Variants in HPF1 observed in about 807,000 individuals in gnomAD.
HPF1 encodes UPF0609 protein C4orf27.
In HPF1, 35 loss-of-function variants were observed where a neutral mutation model predicts 38.8. The observed-to-expected ratio is 0.90, with a 90% confidence interval of 0.69 to 1.19. The LOEUF is 1.19. HPF1 is among the 50% of genes most tolerant of loss of function. The pLI, the probability that HPF1 is intolerant of heterozygous loss-of-function variation, is 0.00. For missense variants in HPF1, 367 were observed against 405.8 expected (o/e 0.90, Z 0.82); for synonymous variants, 115 against 139.2 (o/e 0.83, Z 1.22).
At chr4:169,732,547 C>A (rs1415505466) in intron 6 of HPF1, among the ~76,000 whole-genome samples, 1 of 152,182 alleles carries the variant, frequency 6.6e-6, no homozygotes, top group Non-Finnish European at 1.5e-5. Context: ...TTGGGCAAAC[C>A]TGGCTCACCC....
In HPF1 at chr4:169,753,741, G is replaced by A. The variant is rs574383841; in HGVS notation, c.143C>T (p.Ser48Phe). 3.5e-5 allele frequency: 56 copies of A among 1,613,314 alleles called. 1 individual carries two copies. The highest frequency in any genetic ancestry group is 3.1e-4 in the African/African-American group (23 of 75,028). Reference sequence around the variant, plus strand: ...GAAGTGATAGAAATCTTCAGGTAAAGAAAGCTTATAATGATTTTCTACTTC... The same window carrying A: ...GAAGTGATAGAAATCTTCAGGTAAAAAAAGCTTATAATGATTTTCTACTTC... ...RKEVENHYKL[S>F]LPEDFYHFWK... The change falls in exon 2 of 8, where the codon TCT (serine) becomes TTT (phenylalanine). Residue 48 changes from serine (S) to phenylalanine (F), a missense_variant. Transcript: ENST00000393381.
chr4:169,749,720 C>CAAAAAAA (rs11413826), intron 3 of HPF1, among the ~76,000 whole-genome samples: 12 of 127,306 alleles, frequency 9.4e-5, no homozygotes, highest in African/African-American at 2.7e-4. Context: ...TACTCAAATA[C>CAAAAAAA]AAAAAAAAAA....
At chr4:169,745,006 A>C (rs1734028431) in intron 4 of HPF1, among the ~76,000 whole-genome samples, 1 of 152,246 alleles carries the variant, frequency 6.6e-6, no homozygotes, top group South Asian at 2.1e-4. Flanking sequence ...AGATAACCTG[A>C]AAGACCACCA....
At chr4:169,749,168 C>T (rs1192029803) in intron 3 of HPF1, among the ~76,000 whole-genome samples, 2 of 152,062 alleles carry the variant, frequency 1.3e-5, no homozygotes, top group Non-Finnish European at 2.9e-5. Context: ...ATAAAATCTG[C>T]ACATTTACAT....
chr4:169,744,445 G>A (rs892056847), intron 4 of HPF1, among the ~76,000 whole-genome samples: 11 of 152,274 alleles, frequency 7.2e-5, no homozygotes, highest in Non-Finnish European at 1.0e-4. Flanking sequence ...GATAAGGTGC[G>A]ATGTGCAACT....
At chr4:169,754,498 C>T (rs1734160148) in intron 1 of HPF1, among the ~76,000 whole-genome samples, 1 of 152,042 alleles carries the variant, frequency 6.6e-6, no homozygotes, top group Non-Finnish European at 1.5e-5. Flanking sequence ...CTAGGACCAC[C>T]ACAATACAGG....
In HPF1 at chr4:169,748,832, C is replaced by T. The variant is rs1308176300; in HGVS notation, c.409G>A (p.Asp137Asn). 4 of 1,465,536 alleles carry T rather than the reference C, an allele frequency of 2.7e-6. No individual in the cohort carries two copies. The highest frequency in any genetic ancestry group is 2.8e-6 in the Non-Finnish European group (3 of 1,078,592). The allele number at this position is 1,465,536 out of a possible 1,614,324, so 90.8% of individuals were successfully genotyped here. Residue 137 changes from aspartate (D) to asparagine (N), a missense_variant, in exon 4 of 8, where the codon GAT becomes AAT. By Grantham distance (23) the Asp-to-Asn change is conservative. Coordinates refer to ENST00000393381, the MANE Select transcript of HPF1 (RefSeq NM_017867.3). ...YHMGYFRDSP[D>N]EFPVYVGINE... is the part of the protein sequence containing the mutation. Reference sequence around the variant, plus strand: ...ATACCAACATATACAGGAAATTCATCAGGAGAATCCCTGTGTAAGCAAAAG... The same window carrying T: ...ATACCAACATATACAGGAAATTCATTAGGAGAATCCCTGTGTAAGCAAAAG...
At chr4:169,746,796 A>G (rs987477754) in intron 4 of HPF1, among the ~76,000 whole-genome samples, 9 of 152,052 alleles carry the variant, frequency 5.9e-5, no homozygotes, top group Admixed American at 5.9e-4. Flanking sequence ...GTAATTTTTT[A>G]CCCCTGTTTG....
chr4:169,754,633 T>C (rs553899557), intron 1 of HPF1, among the ~76,000 whole-genome samples: 4 of 152,328 alleles, frequency 2.6e-5, no homozygotes, highest in South Asian at 2.1e-4. Context: ...TGTTTTTCTA[T>C]GAACCTAGAT....
chr4:169,731,623 C>T (rs1733829772), intron 7 of HPF1, 81 bp downstream of exon 7: 6 of 1,057,344 alleles, frequency 5.7e-6, no homozygotes, highest in East Asian at 5.6e-5. Flanking sequence ...TAAATGTGCA[C>T]GTATTCATGT....
intron 5 of HPF1, among the ~76,000 whole-genome samples, chr4:169,740,230 T>C (rs1484465504): frequency 6.6e-6 from 1 of 152,214 alleles, no homozygotes; most frequent in African/African-American, 2.4e-5. Flanking sequence ...ATGCTAAATA[T>C]GGAAAATATG....
At position 169,729,506 on chromosome 4, in the gene HPF1, AAAAAC is replaced by A; in HGVS notation, c.*67_*71del. On this transcript the variant is annotated 3_prime_UTR_variant, in exon 8 of 8. Coordinates refer to ENST00000393381, the MANE Select transcript of HPF1 (RefSeq NM_017867.3). The stretch of plus-strand genomic sequence containing the variant: ...TAAATGTTTATTTTTTGTATTCCTT[AAAAAC>A]AAAACAAAAATCACAAGTTTAATAC... The A allele has an allele frequency of 1.6e-6, 2 of 1,234,136 alleles. No homozygotes were observed. Among genetic ancestry groups the A allele is most frequent in the Non-Finnish European group, 2.1e-6 (2 of 944,800 alleles). 76.4% of individuals were successfully genotyped at this position (1,234,136 alleles called of 1,614,324 possible).
In HPF1 at chr4:169,748,816, T is replaced by C; in HGVS notation, c.425A>G (p.Tyr142Cys). 6.6e-7 allele frequency: 1 copy of C among 1,511,822 alleles called. No individual in the cohort carries two copies. Among genetic ancestry groups the C allele is most frequent in the Non-Finnish European group, 9.0e-7 (1 of 1,116,134 alleles). 93.7% of individuals were successfully genotyped at this position (1,511,822 alleles called of 1,614,324 possible). A position where few individuals can be genotyped will look rare whatever the true frequency, so the allele number is the denominator to read the frequency against. The change falls in exon 4 of 8, where the codon TAT becomes TGT. Residue 142 changes from tyrosine to cysteine, a missense_variant. By Grantham distance (194) the Tyr-to-Cys change is radical. Transcript: ENST00000393381. Reference protein sequence around the residue: ...FRDSPDEFPVYVGINEAKKNC... With the variant: ...FRDSPDEFPVCVGINEAKKNC... ...TTTCTTTGCTTCATTTATACCAACATATACAGGAAATTCATCAGGAGAATC... is the reference window on the plus strand; with the variant it reads ...TTTCTTTGCTTCATTTATACCAACACATACAGGAAATTCATCAGGAGAATC...
At chr4:169,742,672 G>A (rs1434408851) in intron 4 of HPF1, among the ~76,000 whole-genome samples, 1 of 152,146 alleles carries the variant, frequency 6.6e-6, no homozygotes, top group Non-Finnish European at 1.5e-5. Context: ...GGCGCCTGTA[G>A]TCCCAGCTAC....
At chr4:169,742,577 G>A (rs1733984363) in intron 4 of HPF1, among the ~76,000 whole-genome samples, 1 of 152,162 alleles carries the variant, frequency 6.6e-6, no homozygotes, top group South Asian at 2.1e-4. Flanking sequence ...CGGATCATGA[G>A]GTCAGGAGAT....
At chr4:169,739,830 A>G (rs1733943665) in intron 5 of HPF1, among the ~76,000 whole-genome samples, 1 of 152,254 alleles carries the variant, frequency 6.6e-6, no homozygotes, top group Non-Finnish European at 1.5e-5. Context: ...TACCATATTC[A>G]TAAGTGTAAA....
chr4:169,742,610 G>A (rs975564512), intron 4 of HPF1, among the ~76,000 whole-genome samples: 2 of 152,150 alleles, frequency 1.3e-5, no homozygotes, highest in African/African-American at 4.8e-5. Flanking sequence ...GGCTAACAAG[G>A]TGAAACCCCG....
intron 2 of HPF1, among the ~76,000 whole-genome samples, chr4:169,753,240 C>T (rs1734142696): frequency 6.6e-6 from 1 of 151,884 alleles, no homozygotes; most frequent in Admixed American, 6.6e-5. Flanking sequence ...CACTGTGTTG[C>T]CCAGACGGGT....
intron 4 of HPF1, among the ~76,000 whole-genome samples, chr4:169,747,957 G>A: frequency 6.6e-6 from 1 of 152,182 alleles, no homozygotes. Flanking sequence ...CAAAGATAAT[G>A]TGGTCCTAGA....
Sources: allele counts gnomAD v4.1 joint callset (sites outside exome capture counted in the v4.1 genomes callset), GRCh38; gene constraint gnomAD v4.1.1; transcripts MANE v1.5; gene names NCBI Gene and HGNC (gene_info 2026-07-23, HGNC 2026-07-21).